CADM3: variants seen among roughly 807,000 people sequenced by gnomAD.
The protein encoded by CADM3 is TSLC1-like 1.
CADM3 carries 11 observed loss-of-function variants against 44.9 expected under a neutral mutation model. The observed-to-expected ratio is 0.25, with a 90% CI of 0.15 to 0.41. The LOEUF is 0.41. Ranked by LOEUF, CADM3 falls within the 10% of genes least tolerant of loss-of-function variation. CADM3 has a pLI of 1.00. For synonymous variants in CADM3, 207 were observed against 205.2 expected (o/e 1.01, Z -0.08); for missense variants, 426 against 512.0 (o/e 0.83, Z 1.62).
intron 1 of CADM3, 74 bp downstream of exon 1, chr1:159,171,927 CG>C: frequency 1.0e-6 from 1 of 999,186 alleles, no homozygotes; most frequent in Non-Finnish European, 1.3e-6. Flanking sequence ...GGGAGTCTCG[CG>C]GAAGGAGCCT....
At chr1:159,193,796 G>GAGGCCTAAC in intron 4 of CADM3, 74 bp from the exon 5 acceptor site, 1 of 1,572,672 alleles carries the variant, frequency 6.4e-7, no homozygotes, top group Non-Finnish European at 8.7e-7. Flanking sequence ...AGGCCCACAT[G>GAGGCCTAAC]ATATCTGTAT....
chr1:159,200,464 C>G (rs765716485), intron 8 of CADM3, among the ~76,000 whole-genome samples: 2 of 152,074 alleles, frequency 1.3e-5, no homozygotes, highest in Non-Finnish European at 2.9e-5. Flanking sequence ...GCAGATCCCC[C>G]GTCACCAAGT....
chr1:159,177,792 C>T (rs1244062587), intron 1 of CADM3, among the ~76,000 whole-genome samples: 1 of 152,178 alleles, frequency 6.6e-6, no homozygotes. Context: ...AAATTGTGGC[C>T]TACAGTGACC....
intron 1 of CADM3, among the ~76,000 whole-genome samples, chr1:159,182,486 C>T (rs184645505): frequency 1.1e-4 from 17 of 152,314 alleles, no homozygotes; most frequent in Non-Finnish European, 2.2e-4. Context: ...TGTGACCATG[C>T]TCAAGTTCCT....
chr1:159,182,526 T>G (rs1437742412), intron 1 of CADM3, among the ~76,000 whole-genome samples: 5 of 152,228 alleles, frequency 3.3e-5, no homozygotes, highest in Non-Finnish European at 5.9e-5. Flanking sequence ...TTCCTCATCT[T>G]TAAAATAAGA....
In CADM3 at chr1:159,194,315, C is replaced by T. The variant is rs566707587; in HGVS notation, c.691+275C>T. The T allele has an allele frequency of 1.1e-3, 315 of 293,034 alleles. 1 individual carries two copies. Among genetic ancestry groups the T allele is most frequent in the Non-Finnish European group, 1.7e-3 (270 of 157,496 alleles). 18.2% of individuals were successfully genotyped at this position (293,034 alleles called of 1,614,324 possible). ...CAGTCATAGACAATATGTAAACAAA[C>T]GAGCTGGGCTGTGTTCCAGTAAAAC... On this transcript the variant is annotated intron_variant, in intron 5 of 8. Coordinates refer to ENST00000368125, the MANE Select transcript of CADM3 (RefSeq NM_001127173.3).
chr1:159,200,336 C>T (rs1255951870), intron 8 of CADM3, among the ~76,000 whole-genome samples: 2 of 152,182 alleles, frequency 1.3e-5, no homozygotes, highest in Non-Finnish European at 2.9e-5. Flanking sequence ...CTACCCTCTT[C>T]TCACATTCCT....
intron 1 of CADM3, among the ~76,000 whole-genome samples, chr1:159,180,004 C>CA (rs2102098981): frequency 6.6e-6 from 1 of 152,294 alleles, no homozygotes; most frequent in African/African-American, 2.4e-5. Context: ...GATTTATCCT[C>CA]AATTGCCACT....
At chr1:159,184,449 T>A (rs1022114727) in intron 1 of CADM3, among the ~76,000 whole-genome samples, 3 of 152,156 alleles carry the variant, frequency 2.0e-5, no homozygotes, top group African/African-American at 7.2e-5. Flanking sequence ...ATCATCATCA[T>A]CACCATCATC....
rs956135623 is a variant in CADM3 at position 159,203,032 on chromosome 1, G to A, written c.*2110G>A. 7.5e-6 allele frequency: 1 copy of A among 132,566 alleles called. No individual in the cohort carries two copies. Among genetic ancestry groups the A allele is most frequent in the African/African-American group, 2.7e-5 (1 of 36,400 alleles). 8.2% of individuals were successfully genotyped at this position (132,566 alleles called of 1,614,324 possible). On this transcript the variant is annotated 3_prime_UTR_variant, in exon 9 of 9. Coordinates refer to ENST00000368125, the MANE Select transcript of CADM3 (RefSeq NM_001127173.3). ...TGCTGTGTGTGTCTGTCCAGGGGTG[G>A]GGGGGTGGGGGAAGGGAGCAGGGAG...
Position 159,197,076 on chromosome 1 carries a change from T to G in CADM3, c.952+16T>G. 6.2e-7 allele frequency: 1 copy of G among 1,610,586 alleles called. No homozygotes were observed. The highest frequency in any genetic ancestry group is 8.5e-7 in the Non-Finnish European group (1 of 1,177,362). ...AATGTTAATGGTAAGCCCTCCTCAG[T>G]TCTCTTCCTCCAGAATCTCCTTTCT... On this transcript the variant is annotated intron_variant, in intron 7 of 8. Coordinates refer to ENST00000368125, the MANE Select transcript of CADM3 (RefSeq NM_001127173.3).
At chr1:159,171,928 G>A in intron 1 of CADM3, 75 bp downstream of exon 1, 1 of 1,000,580 alleles carries the variant, frequency 1.0e-6, no homozygotes, top group Non-Finnish European at 1.3e-6. Context: ...GGAGTCTCGC[G>A]GAAGGAGCCT....
intron 1 of CADM3, 120 bp from the exon 2 acceptor site, chr1:159,191,816 C>A: frequency 8.4e-7 from 1 of 1,188,748 alleles, no homozygotes; most frequent in Non-Finnish European, 1.2e-6. Flanking sequence ...TACGGGTACA[C>A]AGAGACCTTG....
At chr1:159,196,866 TC>T in intron 6 of CADM3, 24 bp from the exon 7 acceptor site, 2 of 1,610,706 alleles carry the variant, frequency 1.2e-6, no homozygotes, top group South Asian at 2.2e-5. Context: ...TCTCCTGAGC[TC>T]TTCTGATTTG....
chr1:159,172,724 G>T lies in CADM3; in HGVS notation c.88+871G>T, dbSNP rs552146698. The stretch of plus-strand genomic sequence containing the variant: ...GCCCCAGTCTGGAACTCAAACCTTC[G>T]CTGGTTCCTAATGGTAGAGAGATGA... On this transcript the variant is annotated intron_variant, in intron 1 of 8. Coordinates refer to ENST00000368125, the MANE Select transcript of CADM3 (RefSeq NM_001127173.3). Among the ~76,000 whole-genome samples the T allele has an allele frequency of 8.5e-5, 13 of 152,132 alleles. No homozygotes were observed. In the South Asian group the frequency reaches 2.3e-3, roughly 27 times the overall value.
intron 7 of CADM3, among the ~76,000 whole-genome samples, chr1:159,199,301 A>AT (rs1257859934): frequency 6.6e-6 from 1 of 151,938 alleles, no homozygotes; most frequent in Non-Finnish European, 1.5e-5. Flanking sequence ...GAAATTAAAA[A>AT]GAAAAAGAGG....
intron 7 of CADM3, among the ~76,000 whole-genome samples, chr1:159,198,677 C>T (rs1356756347): frequency 1.3e-5 from 2 of 152,088 alleles, no homozygotes; most frequent in African/African-American, 4.8e-5. Context: ...CAGCAGCTCT[C>T]CCATGGGTGG....
rs553140719 is a variant in CADM3 at position 159,191,307 on chromosome 1, G to A, written c.89-629G>A. Among the ~76,000 whole-genome samples, 63 of 152,256 alleles carry A rather than the reference G, an allele frequency of 4.1e-4. 1 individual carries two copies. The highest frequency in any genetic ancestry group is 1.3e-3 in the African/African-American group (55 of 41,548). On this transcript the variant is annotated intron_variant, in intron 1 of 8. Coordinates refer to ENST00000368125, the MANE Select transcript of CADM3 (RefSeq NM_001127173.3). ...GGGAGGCGGGTAACACTAATACCAC[G>A]GGGAATATGCTAAGGGCCTTGACTG... is the stretch of plus-strand genomic sequence containing the variant.
intron 1 of CADM3, among the ~76,000 whole-genome samples, chr1:159,190,066 A>G (rs1454663996): frequency 6.6e-6 from 1 of 151,992 alleles, no homozygotes; most frequent in Non-Finnish European, 1.5e-5. Context: ...TTCTTCCCTT[A>G]CTCCAGTACA....
Sources: allele counts gnomAD v4.1 joint callset (sites outside exome capture counted in the v4.1 genomes callset), GRCh38; gene constraint gnomAD v4.1.1; transcripts MANE v1.5; gene names NCBI Gene and HGNC (gene_info 2026-07-23, HGNC 2026-07-21).